Variants in SLC25A46 observed in about 807,000 individuals in gnomAD.
The protein encoded by SLC25A46 is mitochondrial outer membrane protein SLC25A46.
SLC25A46 carries 39 observed loss-of-function variants against 44.6 expected under a neutral mutation model. That is an observed-to-expected ratio of 0.87 (90% confidence interval 0.68 to 1.14). SLC25A46 has a LOEUF of 1.14. Ranked by LOEUF, SLC25A46 falls within the 50% of genes most tolerant of loss-of-function variation. The pLI, the probability that SLC25A46 is intolerant of heterozygous loss-of-function variation, is 0.00. For missense variants in SLC25A46, 547 were observed against 522.7 expected, an observed-to-expected ratio of 1.05 and a Z score of -0.45; for synonymous variants, 202 against 185.8, an observed-to-expected ratio of 1.09 and a Z score of -0.71.
chr5:110,760,803 G>A (rs1800229030), intron 7 of SLC25A46, among the ~76,000 whole-genome samples: 1 of 152,092 alleles, frequency 6.6e-6, no homozygotes, highest in Non-Finnish European at 1.5e-5. Flanking sequence ...CTGTGCTTAG[G>A]AGAAGTTAAG....
At chr5:110,743,684 T>C in intron 2 of SLC25A46, 46 bp from the exon 3 acceptor site, 1 of 1,118,186 alleles carries the variant, frequency 8.9e-7, no homozygotes, top group South Asian at 1.8e-5. Flanking sequence ...GTAAATTTAA[T>C]TTATCTCTAT....
Position 110,761,844 on chromosome 5 carries a change from A to T in SLC25A46, c.*62A>T, listed in dbSNP as rs1247859011. On this transcript the variant is annotated 3_prime_UTR_variant, in exon 8 of 8. Coordinates refer to ENST00000355943, the MANE Select transcript of SLC25A46 (RefSeq NM_138773.4). The surrounding 1 kb of genome is among the most constrained non-coding windows in gnomAD (Gnocchi z 5.3). ...AATCTGGATAATTTGCTATGAAGTTATGAGGGATACAAGTGAAATACTGGG... is the reference window on the plus strand; with the variant it reads ...AATCTGGATAATTTGCTATGAAGTTTTGAGGGATACAAGTGAAATACTGGG... 1.5e-6 allele frequency: 2 copies of T among 1,354,366 alleles called. No homozygotes were observed. Among genetic ancestry groups the T allele is most frequent in the Non-Finnish European group, 2.0e-6 (2 of 999,224 alleles). 83.9% of individuals were successfully genotyped at this position (1,354,366 alleles called of 1,614,324 possible).
At chr5:110,748,642 T>G (rs931281309) in intron 5 of SLC25A46, among the ~76,000 whole-genome samples, 38 of 152,204 alleles carry the variant, frequency 2.5e-4, no homozygotes, top group Admixed American at 1.3e-4. Flanking sequence ...CTTCTACTGC[T>G]ATGTGCCAGC....
rs1799872722 is a variant in SLC25A46 at position 110,748,310 on chromosome 5, G to A, written c.563+47G>A. ...CAGTATTAGTTTCATGTGGTGATGT[G>A]TTTTTAGATGCAGGCGGTACATGTG... On this transcript the variant is annotated intron_variant, in intron 5 of 7. Coordinates refer to ENST00000355943, the MANE Select transcript of SLC25A46 (RefSeq NM_138773.4). 3 of 1,468,654 alleles carry A rather than the reference G, an allele frequency of 2.0e-6. No homozygotes were observed. In the African/African-American group the frequency reaches 4.2e-5, roughly 20 times the overall value. The allele number at this position is 1,468,654 out of a possible 1,614,324, so 91.0% of individuals were successfully genotyped here. A position where few individuals can be genotyped will look rare whatever the true frequency, so the allele number is the denominator to read the frequency against.
At chr5:110,758,000 T>C (rs1163136867) in intron 7 of SLC25A46, among the ~76,000 whole-genome samples, 1 of 152,214 alleles carries the variant, frequency 6.6e-6, no homozygotes, top group African/African-American at 2.4e-5. Context: ...GTTATTTATA[T>C]AAGTGCCCGG....
intron 7 of SLC25A46, among the ~76,000 whole-genome samples, chr5:110,759,388 A>G (rs1800190868): frequency 6.6e-6 from 1 of 152,190 alleles, no homozygotes; most frequent in African/African-American, 2.4e-5. Context: ...ATGCCCTTAC[A>G]TGGGACTGTG....
intron 7 of SLC25A46, among the ~76,000 whole-genome samples, chr5:110,757,652 G>A (rs1261525082): frequency 6.6e-6 from 1 of 151,832 alleles, no homozygotes; most frequent in Non-Finnish European, 1.5e-5. Flanking sequence ...AGTGTCTTGC[G>A]ACCCAAATCA....
In SLC25A46 at chr5:110,761,759, A is replaced by G. The variant is rs1166684796; in HGVS notation, c.1234A>G (p.Thr412Ala). 6.2e-7 allele frequency: 1 copy of G among 1,610,352 alleles called. No individual in the cohort carries two copies. The highest frequency in any genetic ancestry group is 1.3e-5 in the African/African-American group (1 of 74,900). Residue 412 changes from threonine (T) to alanine (A), a missense_variant, in exon 8 of 8, where the codon ACA becomes GCA. By Grantham distance (58) the Thr-to-Ala change is moderately conservative. Transcript: ENST00000355943. This position sits in a 1 kb window ranked among gnomAD's most constrained non-coding sequence, Gnocchi z 5.3. ...ACAGATTACCAAAATTATTTACTCT[A>G]CACTTCTTCAAAATAACATTTGAGA... is the stretch of plus-strand genomic sequence containing the variant. ...VLQITKIIYS[T>A]LLQNNI is the part of the protein sequence containing the mutation.
At position 110,761,192 on chromosome 5, in the gene SLC25A46, T is replaced by C. The variant is rs1329331980; in HGVS notation, c.679-12T>C. On this transcript the variant is annotated splice_polypyrimidine_tract_variant and intron_variant, in intron 7 of 7. Coordinates refer to ENST00000355943, the MANE Select transcript of SLC25A46 (RefSeq NM_138773.4). The surrounding 1 kb of genome is among the most constrained non-coding windows in gnomAD (Gnocchi z 5.3). ...ATGTTAAGTTTTACTTATTTCATCATTTTTATTTCAGAGTGAGATAATTCG... is the reference window on the plus strand; with the variant it reads ...ATGTTAAGTTTTACTTATTTCATCACTTTTATTTCAGAGTGAGATAATTCG... 2.8e-5 allele frequency: 44 copies of C among 1,569,014 alleles called. No homozygotes were observed. The highest frequency in any genetic ancestry group is 3.9e-5 in the Admixed American group (2 of 51,668).
chr5:110,743,329 A>C (rs953977375), intron 2 of SLC25A46, among the ~76,000 whole-genome samples: 1 of 152,116 alleles, frequency 6.6e-6, no homozygotes, highest in Non-Finnish European at 1.5e-5. Context: ...ATGAAGATCA[A>C]ATGACTCTGC....
intron 6 of SLC25A46, 89 bp from the exon 7 acceptor site, chr5:110,756,613 A>G: frequency 1.2e-6 from 1 of 832,578 alleles, no homozygotes; most frequent in Non-Finnish European, 1.9e-6. Context: ...TTGACTATAA[A>G]TTATGTTGAC....
Position 110,756,759 on chromosome 5 carries a change from G to A in SLC25A46, c.678G>A (p.Gln226=). ...CAGCAAGTCTGATTGAAACAGTGCAGGTGAGCTTTTTTTTACTGTCATTTT... is the reference window on the plus strand; with the variant it reads ...CAGCAAGTCTGATTGAAACAGTGCAAGTGAGCTTTTTTTTACTGTCATTTT... ...FYSASLIETV[Q]SEIIRDNTGI... Residue 226 remains glutamine (Q), a splice_region_variant and synonymous_variant, in exon 7 of 8, where the codon CAG becomes CAA. Transcript: ENST00000355943. The A allele has an allele frequency of 6.6e-7, 1 of 1,526,150 alleles. No individual in the cohort carries two copies. Among genetic ancestry groups the A allele is most frequent in the East Asian group, 2.4e-5 (1 of 42,344 alleles). 94.5% of individuals were successfully genotyped at this position (1,526,150 alleles called of 1,614,324 possible).
At chr5:110,747,432 G>A (rs1312392998) in intron 4 of SLC25A46, among the ~76,000 whole-genome samples, 4 of 152,048 alleles carry the variant, frequency 2.6e-5, no homozygotes, top group South Asian at 4.1e-4. Context: ...GGATTATCCC[G>A]ATAAATTTTA....
In SLC25A46 at chr5:110,746,338, A is replaced by G. The variant is rs769405228; in HGVS notation, c.454A>G (p.Lys152Glu). 6.3e-7 allele frequency: 1 copy of G among 1,584,074 alleles called. No homozygotes were observed. The highest frequency in any genetic ancestry group is 1.9e-5 in the Admixed American group (1 of 53,094). Residue 152 changes from lysine to glutamate, a missense_variant, in exon 4 of 8, where the codon AAA (lysine) becomes GAA (glutamate). By Grantham distance (56) the Lys-to-Glu change is moderately conservative. Transcript: ENST00000355943. ...CATCAATATTATGTACAGTTTCAAC[A>G]AAACTCAGGTGAGAATTTTGTCTGG... ...TVINIMYSFNKTQGPRALWKG... is the reference protein window; with the variant it reads ...TVINIMYSFNETQGPRALWKG...
Position 110,761,384 on chromosome 5 carries a change from C to T in SLC25A46, c.859C>T (p.Leu287=), listed in dbSNP as rs1180903647. The T allele has an allele frequency of 1.3e-5, 21 of 1,613,650 alleles. No homozygotes were observed. Among genetic ancestry groups the T allele is most frequent in the Non-Finnish European group, 1.7e-5 (20 of 1,179,762 alleles). ...IISSVIQKFV[L]LILKRKTYNS... ...CAGCTCAGTTATTCAGAAGTTTGTC[C>T]TACTAATTCTAAAGAGAAAGACTTA... is the stretch of plus-strand genomic sequence containing the variant. The change falls in exon 8 of 8, where the codon CTA becomes TTA. Residue 287 remains leucine (L), a synonymous_variant. Transcript: ENST00000355943. The surrounding 1 kb of genome is among the most constrained non-coding windows in gnomAD (Gnocchi z 5.3).
chr5:110,738,335 G>T, upstream of SLC25A46: 2 of 1,040,572 alleles, frequency 1.9e-6, no homozygotes, highest in South Asian at 1.5e-5. Flanking sequence ...TCAATACCCT[G>T]AGTGATTTAG....
chr5:110,739,374 C>T lies in SLC25A46; in HGVS notation c.255C>T (p.Gly85=). Reference sequence around the variant, plus strand: ...CGGAGGAACCCTTTTCCAGTGGCGGCGGCGGCAGTGTGCAGGGGCAGAGCA... The same window carrying T: ...CGGAGGAACCCTTTTCCAGTGGCGGTGGCGGCAGTGTGCAGGGGCAGAGCA... ...GPTEEPFSSG[G]GGSVQGQSSE... is the part of the protein sequence containing the mutation. The change falls in exon 1 of 8, where the codon GGC becomes GGT. Residue 85 remains glycine (G), a synonymous_variant. Transcript: ENST00000355943. 2 of 1,550,856 alleles carry T rather than the reference C, an allele frequency of 1.3e-6. No individual in the cohort carries two copies. Among genetic ancestry groups the T allele is most frequent in the South Asian group, 2.4e-5 (2 of 84,830 alleles).
upstream of SLC25A46, chr5:110,738,213 C>T (rs1380880937): frequency 7.8e-7 from 1 of 1,286,412 alleles, no homozygotes; most frequent in East Asian, 5.6e-5. Flanking sequence ...GGGGAGGGAG[C>T]CTGGCCCAAG....
intron 5 of SLC25A46, among the ~76,000 whole-genome samples, chr5:110,750,053 G>A (rs113267602): frequency 1.6e-3 from 239 of 152,142 alleles, no homozygotes; most frequent in Non-Finnish European, 2.9e-3. Context: ...CTAGTGTAAC[G>A]CATATGCCCA....
Sources: allele counts gnomAD v4.1 joint callset (sites outside exome capture counted in the v4.1 genomes callset), GRCh38; gene constraint gnomAD v4.1.1; non-coding constraint Gnocchi (gnomAD v3.1); transcripts MANE v1.5; gene names NCBI Gene and HGNC (gene_info 2026-07-23, HGNC 2026-07-21).